C21orf58: variants seen among roughly 807,000 people sequenced by gnomAD.
C21orf58 encodes chromosome 21 open reading frame 58.
A neutral mutation model predicts 35.8 loss-of-function variants in C21orf58; 34 were observed. That is an observed-to-expected ratio of 0.95 (90% confidence interval 0.72 to 1.26). The LOEUF is 1.26. C21orf58 is among the 50% of genes most tolerant of loss of function. The pLI, the probability that C21orf58 is intolerant of heterozygous loss-of-function variation, is 0.00. For missense variants in C21orf58, 440 were observed against 414.3 expected, an observed-to-expected ratio of 1.06 and a Z score of -0.54; for synonymous variants, 191 against 175.8, an observed-to-expected ratio of 1.09 and a Z score of -0.68.
Position 46,301,513 on chromosome 21 carries a change from G to A in C21orf58, c.*486C>T. On this transcript the variant is annotated 3_prime_UTR_variant, in exon 8 of 8. Transcript: ENST00000291691. ...CCCTAGTTATTAAATTAGACTTTGT[G>A]GTATTTTCCCCATCAGGATGTTCAC... is the stretch of plus-strand genomic sequence containing the variant. 2.0e-6 allele frequency: 2 copies of A among 984,708 alleles called. No homozygotes were observed. Among genetic ancestry groups the A allele is most frequent in the Non-Finnish European group, 2.4e-6 (2 of 829,250 alleles). The allele number at this position is 984,708 out of a possible 1,614,324, so 61.0% of individuals were successfully genotyped here.
intron 1 of C21orf58, chr21:46,320,888 G>C (rs2083132998): frequency 6.6e-6 from 1 of 152,120 alleles, no homozygotes; most frequent in Non-Finnish European, 1.5e-5. Flanking sequence ...TGTATGGTTT[G>C]TAATACTGAC....
Position 46,323,446 on chromosome 21 carries a change from C to G in C21orf58, c.-708G>C, listed in dbSNP as rs768116934. 6.6e-6 allele frequency: 1 copy of G among 152,306 alleles called. No individual in the cohort carries two copies. The highest frequency in any genetic ancestry group is 1.5e-5 in the Non-Finnish European group (1 of 68,142). 9.4% of individuals were successfully genotyped at this position (152,306 alleles called of 1,614,324 possible). A position where few individuals can be genotyped will look rare whatever the true frequency, so the allele number is the denominator to read the frequency against. On this transcript the variant is annotated 5_prime_UTR_variant, in exon 1 of 8. Transcript: ENST00000291691. ...AGTGAGACACACGAGCAGACACGGGCTCGGTCGGGAAAGGCGGGAGCTCCA... is the reference window on the plus strand; with the variant it reads ...AGTGAGACACACGAGCAGACACGGGGTCGGTCGGGAAAGGCGGGAGCTCCA...
intron 6 of C21orf58, among the ~76,000 whole-genome samples, chr21:46,303,699 CACA>C (rs2082229214): frequency 9.1e-6 from 1 of 110,468 alleles, no homozygotes; most frequent in Non-Finnish European, 1.8e-5. Context: ...CACACACACA[CACA>C]CACAAAATAT....
rs377199505 is a variant in C21orf58 at position 46,302,364 on chromosome 21, C to G, written c.813+121G>C. The stretch of plus-strand genomic sequence containing the variant: ...TCGATGGGGATGGGGGCTTCACAGC[C>G]AGACTGTAGACCTGAGCCAGGAATG... On this transcript the variant is annotated intron_variant, in intron 7 of 7. Coordinates refer to ENST00000291691, the MANE Select transcript of C21orf58 (RefSeq NM_058180.5). 1.5e-4 allele frequency: 166 copies of G among 1,081,900 alleles called. No individual in the cohort carries two copies. In the African/African-American group the frequency reaches 2.3e-3, roughly 15 times the overall value. The allele number at this position is 1,081,900 out of a possible 1,614,324, so 67.0% of individuals were successfully genotyped here.
Position 46,322,774 on chromosome 21 carries a change from CAA to C in C21orf58, c.-38_-37del. The C allele has an allele frequency of 4.4e-6, 6 of 1,372,792 alleles. No individual in the cohort carries two copies. The highest frequency in any genetic ancestry group is 4.8e-6 in the Non-Finnish European group (5 of 1,036,624). The allele number at this position is 1,372,792 out of a possible 1,614,324, so 85.0% of individuals were successfully genotyped here. A position where few individuals can be genotyped will look rare whatever the true frequency, so the allele number is the denominator to read the frequency against. ...CCTGGGCGTCGCAGCGAGACTGTCT[CAA>C]AAAAAGAAAAAAAATTCTGAGCGAG... On this transcript the variant is annotated 5_prime_UTR_variant, in exon 1 of 8. Transcript: ENST00000291691.
intron 6 of C21orf58, among the ~76,000 whole-genome samples, chr21:46,310,048 A>G (rs1265199403): frequency 6.6e-6 from 1 of 152,162 alleles, no homozygotes; most frequent in African/African-American, 2.4e-5. Context: ...ACTACTACAT[A>G]GTGACGGAAA....
chr21:46,301,024 G>A (rs1286109122), downstream of C21orf58: 5 of 986,308 alleles, frequency 5.1e-6, no homozygotes, highest in Non-Finnish European at 6.3e-6. Context: ...TGCTTTACAG[G>A]AACAAGAGCT....
Position 46,318,193 on chromosome 21 carries a change from G to C in C21orf58, c.128C>G (p.Pro43Arg). The C allele has an allele frequency of 6.2e-7, 1 of 1,612,778 alleles. No homozygotes were observed. The highest frequency in any genetic ancestry group is 8.5e-7 in the Non-Finnish European group (1 of 1,180,016). ...AGCCCAAGCACCGGTGTTGCCTGCA[G>C]GGCGGGCCTTACCTCCTGGAGACCA... ...CGWSPGGKAR[P>R]AGNTGAWAPA... Residue 43 changes from proline (P) to arginine (R), a missense_variant, in exon 2 of 8, where the codon CCT becomes CGT. Pro to Arg is a moderately radical substitution (Grantham distance 103). Coordinates refer to ENST00000291691, the MANE Select transcript of C21orf58 (RefSeq NM_058180.5).
At chr21:46,304,998 C>G (rs1374412971) in intron 6 of C21orf58, among the ~76,000 whole-genome samples, 1 of 152,306 alleles carries the variant, frequency 6.6e-6, no homozygotes, top group Middle Eastern at 3.4e-3. Flanking sequence ...ACAGCGAACA[C>G]AGTCAGACTC....
At chr21:46,319,538 G>C (rs1174620541) in intron 1 of C21orf58, among the ~76,000 whole-genome samples, 1 of 152,172 alleles carries the variant, frequency 6.6e-6, no homozygotes, top group African/African-American at 2.4e-5. Context: ...CAAGGCAGAA[G>C]GATCACTTGA....
intron 3 of C21orf58, among the ~76,000 whole-genome samples, chr21:46,316,587 T>G (rs575539570): frequency 6.6e-6 from 1 of 152,314 alleles, no homozygotes; most frequent in African/African-American, 2.4e-5. Flanking sequence ...AGCATCACAC[T>G]GGAGAGGGGC....
intron 6 of C21orf58, 115 bp from the exon 7 acceptor site, chr21:46,302,691 C>CG: frequency 2.4e-6 from 2 of 830,628 alleles, no homozygotes; most frequent in South Asian, 3.3e-5. Context: ...TGCAGGTCCC[C>CG]GGGGCAGGCT....
intron 6 of C21orf58, among the ~76,000 whole-genome samples, chr21:46,303,205 G>A (rs2082205635): frequency 6.6e-6 from 1 of 151,954 alleles, no homozygotes; most frequent in Non-Finnish European, 1.5e-5. Context: ...CAGTTGTAGT[G>A]GTGCATGCCT....
At position 46,311,578 on chromosome 21, in the gene C21orf58, C is replaced by T. The variant is rs771288419; in HGVS notation, c.610-11G>A. The T allele has an allele frequency of 9.6e-6, 15 of 1,557,180 alleles. No homozygotes were observed. The East Asian group carries it at 3.4e-4, about 35-fold the overall frequency. The stretch of plus-strand genomic sequence containing the variant: ...AGGAGGCTGGGGGACCTAGGAACAG[C>T]CAGGTGATTAGCTATCTGCATATGT... On this transcript the variant is annotated splice_polypyrimidine_tract_variant and intron_variant, in intron 5 of 7. Coordinates refer to ENST00000291691, the MANE Select transcript of C21orf58 (RefSeq NM_058180.5).
At position 46,301,952 on chromosome 21, in the gene C21orf58, A is replaced by G. The variant is rs1216952997; in HGVS notation, c.*47T>C. ...CCGCCACAGCCCACAGCCCTGAGGA[A>G]GCCTGGGGGTGGAGGGTGCCCCGGC... is the stretch of plus-strand genomic sequence containing the variant. On this transcript the variant is annotated 3_prime_UTR_variant, in exon 8 of 8. Coordinates refer to ENST00000291691, the MANE Select transcript of C21orf58 (RefSeq NM_058180.5). 2 of 1,462,568 alleles carry G rather than the reference A, an allele frequency of 1.4e-6. No homozygotes were observed. The highest frequency in any genetic ancestry group is 9.0e-7 in the Non-Finnish European group (1 of 1,109,188). The allele number at this position is 1,462,568 out of a possible 1,614,324, so 90.6% of individuals were successfully genotyped here.
intron 3 of C21orf58, among the ~76,000 whole-genome samples, chr21:46,316,538 C>T (rs1450927465): frequency 6.6e-6 from 1 of 152,202 alleles, no homozygotes; most frequent in Non-Finnish European, 1.5e-5. Flanking sequence ...AGGGTTCTGG[C>T]CTCCTTTCCC....
intron 1 of C21orf58, among the ~76,000 whole-genome samples, chr21:46,321,037 T>C (rs2083137624): frequency 6.6e-6 from 1 of 152,152 alleles, no homozygotes; most frequent in Non-Finnish European, 1.5e-5. Context: ...CAGACTTTTT[T>C]TTTAAATAGG....
rs1180315481 is a variant in C21orf58 at position 46,302,469 on chromosome 21, T to TG, written c.813+15dup. The TG allele has an allele frequency of 6.3e-7, 1 of 1,584,970 alleles. No homozygotes were observed. Among genetic ancestry groups the TG allele is most frequent in the African/African-American group, 1.3e-5 (1 of 74,420 alleles). ...CTGTTTCCTTGGCCTAGGGTTCTGC[T>TG]GGGGGCTAAGCCTACCTGCAGGGCT... On this transcript the variant is annotated intron_variant, in intron 7 of 7. Coordinates refer to ENST00000291691, the MANE Select transcript of C21orf58 (RefSeq NM_058180.5).
At chr21:46,305,495 A>G (rs1228999525) in intron 6 of C21orf58, among the ~76,000 whole-genome samples, 2 of 151,772 alleles carry the variant, frequency 1.3e-5, no homozygotes, top group African/African-American at 4.8e-5. Context: ...ATACCCAACT[A>G]ATTTTGATAT....
Sources: gnomAD v4.1 joint callset for allele counts (sites outside exome capture counted in the v4.1 genomes callset) on GRCh38, gnomAD v4.1.1 for gene constraint, MANE v1.5 for transcripts, NCBI Gene and HGNC (gene_info 2026-07-23, HGNC 2026-07-21) for gene names.